Variants in ZNF750 observed in about 807,000 individuals in gnomAD.
ZNF750 encodes zinc finger protein 750.
A neutral mutation model predicts 31.6 loss-of-function variants in ZNF750; 10 were observed. The ratio of observed to expected loss-of-function variants is 0.32; its 90% CI spans 0.19 to 0.54. The LOEUF (loss-of-function observed/expected upper bound fraction) is 0.54, where lower values mean the gene tolerates loss of function less well. ZNF750 is among the 20% of genes least tolerant of loss of function. The probability of loss-of-function intolerance (pLI) is 0.95; values close to 1 mark genes in which losing one functional copy is unlikely to be tolerated. For synonymous variants in ZNF750, 400 were observed against 404.9 expected (o/e 0.99, Z 0.15); for missense variants, 914 against 934.9 (o/e 0.98, Z 0.29).
chr17:82,838,664 C>T, intron 1 of ZNF750: 1 of 985,426 alleles, frequency 1.0e-6, no homozygotes, highest in Non-Finnish European at 1.2e-6. Context: ...GATTGACTGC[C>T]ACTCCCTCCC....
Position 82,833,171 on chromosome 17 carries a change from TCA to T in ZNF750, c.-182-537_-182-536del, listed in dbSNP as rs1178222986. 6.6e-6 allele frequency among the ~76,000 whole-genome samples: 1 copy of T among 152,054 alleles called. No homozygotes were observed. Among genetic ancestry groups the T allele is most frequent in the East Asian group, 1.9e-4 (1 of 5,150 alleles). ...GTTTCCCCTTAACATGTACCCACAG[TCA>T]CAGAGTGCCCCTCACTTTTACACAG... On this transcript the variant is annotated intron_variant, in intron 1 of 2. Transcript: ENST00000269394. The surrounding 1 kb of genome is among the most constrained non-coding windows in gnomAD (Gnocchi z 4.7).
chr17:82,831,218 C>G lies in ZNF750; in HGVS notation c.1237G>C (p.Gly413Arg), dbSNP rs1350073531. 6.2e-7 allele frequency: 1 copy of G among 1,613,920 alleles called. No homozygotes were observed. Among genetic ancestry groups the G allele is most frequent in the Non-Finnish European group, 8.5e-7 (1 of 1,180,026 alleles). ...ATGAAGTCGGTGGGGCTCGGCCTCC[C>G]TGGGGAGCCCGTGGCTGCACTCCCT... ...RAGSAATGSP[G>R]RPSPTDFMQT... The change falls in exon 2 of 3, where the codon GGG (glycine) becomes CGG (arginine). Residue 413 changes from glycine to arginine, a missense_variant. Coordinates refer to ENST00000269394, the MANE Select transcript of ZNF750 (RefSeq NM_024702.3). This position sits in a 1 kb window ranked among gnomAD's most constrained non-coding sequence, Gnocchi z 4.6.
intron 1 of ZNF750, chr17:82,838,503 G>A: frequency 2.9e-6 from 1 of 350,242 alleles, no homozygotes; most frequent in Non-Finnish European, 4.0e-6. Context: ...CAAGGAGCCT[G>A]CTCGGCTGGA....
rs2053358389 is a variant in ZNF750, at chr17:82,830,253, T to C, written c.2061A>G (p.Gln687=). Residue 687 remains glutamine, a synonymous_variant, in exon 3 of 3, where the codon CAA becomes CAG. Transcript: ENST00000269394. ...EAQCDLRPKG[Q]KRTSLRDAGK... ...CAGCATCCCTTAGACTTGTCCTCTT[T>C]TGTCCTTTGGGTCTGAGGTCACACT... is the stretch of plus-strand genomic sequence containing the variant. The C allele has an allele frequency of 5.6e-6, 9 of 1,614,242 alleles. No homozygotes were observed. The East Asian group carries it at 2.0e-4, about 36-fold the overall frequency.
In ZNF750 at chr17:82,830,158, C is replaced by T. The variant is rs763714366; in HGVS notation, c.2156G>A (p.Arg719Lys). The part of the protein sequence containing the change: ...DTARVFTLRR[R>K]ARVS ...AACCCGGCGTTAGGACACCCGGGCC[C>T]TCCTTCGTAGTGTGAACACTCTGGC... The change falls in exon 3 of 3, where the codon AGG (arginine) becomes AAG (lysine). Residue 719 changes from arginine to lysine, a missense_variant. Arg to Lys is a conservative substitution (Grantham distance 26). Transcript: ENST00000269394. 1.9e-6 allele frequency: 3 copies of T among 1,614,038 alleles called. No individual in the cohort carries two copies. The highest frequency in any genetic ancestry group is 2.2e-5 in the South Asian group (2 of 91,084).
At chr17:82,838,029 T>A (rs1598831847) in intron 1 of ZNF750, among the ~76,000 whole-genome samples, 1 of 152,376 alleles carries the variant, frequency 6.6e-6, no homozygotes, top group East Asian at 1.9e-4. Context: ...AAATGTTGTG[T>A]GCTCAGCCGA....
chr17:82,830,001 T>G lies in ZNF750; in HGVS notation c.*141A>C. ...AAAACTGAATTGGAGGGTTTTTTGT[T>G]TGTTTGTTTGTTTGTTTTTTTGAGA... On this transcript the variant is annotated 3_prime_UTR_variant, in exon 3 of 3. Coordinates refer to ENST00000269394, the MANE Select transcript of ZNF750 (RefSeq NM_024702.3). 1.6e-6 allele frequency: 2 copies of G among 1,287,472 alleles called. No individual in the cohort carries two copies. The highest frequency in any genetic ancestry group is 2.1e-6 in the Non-Finnish European group (2 of 943,138). 79.8% of individuals were successfully genotyped at this position (1,287,472 alleles called of 1,614,324 possible).
intron 1 of ZNF750, among the ~76,000 whole-genome samples, chr17:82,837,930 C>T (rs1433431041): frequency 6.6e-6 from 1 of 152,244 alleles, no homozygotes; most frequent in East Asian, 1.9e-4. Context: ...GGTGCAGTGG[C>T]TTCAAACATG....
Position 82,829,960 on chromosome 17 carries a change from A to G in ZNF750, c.*182T>C, listed in dbSNP as rs2053326532. The stretch of plus-strand genomic sequence containing the variant: ...AAAGTAGAAGCACCTTTTAATATTC[A>G]TGCTTAATATTTATAAAAACTGAAT... On this transcript the variant is annotated 3_prime_UTR_variant, in exon 3 of 3. Coordinates refer to ENST00000269394, the MANE Select transcript of ZNF750 (RefSeq NM_024702.3). The G allele has an allele frequency of 1.0e-6, 1 of 986,848 alleles. No individual in the cohort carries two copies. Among genetic ancestry groups the G allele is most frequent in the Non-Finnish European group, 1.5e-6 (1 of 686,212 alleles). The allele number at this position is 986,848 out of a possible 1,614,324, so 61.1% of individuals were successfully genotyped here.
In ZNF750 at chr17:82,833,414, C is replaced by T. The variant is rs1032510492; in HGVS notation, c.-182-778G>A. ...TGTTTAAAAATGAAGAACATTCGAACACAAGACTCTACCCTACTGCTTCTA... is the reference window on the plus strand; with the variant it reads ...TGTTTAAAAATGAAGAACATTCGAATACAAGACTCTACCCTACTGCTTCTA... On this transcript the variant is annotated intron_variant, in intron 1 of 2. Coordinates refer to ENST00000269394, the MANE Select transcript of ZNF750 (RefSeq NM_024702.3). This position sits in a 1 kb window ranked among gnomAD's most constrained non-coding sequence, Gnocchi z 4.7. Among the ~76,000 whole-genome samples the T allele has an allele frequency of 2.0e-5, 3 of 152,184 alleles. No homozygotes were observed. Among genetic ancestry groups the T allele is most frequent in the African/African-American group, 7.2e-5 (3 of 41,436 alleles).
rs546215595 is a variant in ZNF750, at chr17:82,833,585, G to A, written c.-182-949C>T. Among the ~76,000 whole-genome samples, 54 of 152,280 alleles carry A rather than the reference G, an allele frequency of 3.5e-4. No individual in the cohort carries two copies. Among genetic ancestry groups the A allele is most frequent in the Admixed American group, 4.6e-4 (7 of 15,302 alleles). ...GCAGCATTGTGAGACATGCTTTCAC[G>A]GTCACCCGGTTCCTGCTGGCCAGGA... On this transcript the variant is annotated intron_variant, in intron 1 of 2. Transcript: ENST00000269394. This position sits in a 1 kb window ranked among gnomAD's most constrained non-coding sequence, Gnocchi z 4.7.
chr17:82,831,903 T>G lies in ZNF750; in HGVS notation c.552A>C (p.Leu184Phe), dbSNP rs2053550301. 2 of 1,613,976 alleles carry G rather than the reference T, an allele frequency of 1.2e-6. No homozygotes were observed. The highest frequency in any genetic ancestry group is 2.7e-5 in the African/African-American group (2 of 74,898). ...ACACGGCCTTGGCAGTGGGGTTGTG[T>G]AAAGCCAGTGTCTCGGGCGCCTCGG... is the stretch of plus-strand genomic sequence containing the variant. ...DNAEAPETLA[L>F]HNPTAKAVSF... The change falls in exon 2 of 3, where the codon TTA becomes TTC. Residue 184 changes from leucine (L) to phenylalanine (F), a missense_variant. Around this residue, in one of 2 missense-constraint regions of ZNF750, gnomAD observed 880 missense variants for 868.9 expected, o/e 1.01. Transcript: ENST00000269394. The surrounding 1 kb of genome is among the most constrained non-coding windows in gnomAD (Gnocchi z 4.6).
At position 82,832,108 on chromosome 17, in the gene ZNF750, T is replaced by A; in HGVS notation, c.347A>T (p.Glu116Val). The change falls in exon 2 of 3, where the codon GAG becomes GTG. Residue 116 changes from glutamate (E) to valine (V), a missense_variant. Coordinates refer to ENST00000269394, the MANE Select transcript of ZNF750 (RefSeq NM_024702.3). The surrounding 1 kb of genome is among the most constrained non-coding windows in gnomAD (Gnocchi z 4.9). ...CCTGTGGGTTCCCCGGGCTTGCAGC[T>A]CCAGGTTTTCCTTGATGTCTTCCCT... ...SAREDIKENL[E>V]LQARGTHRCL... The A allele has an allele frequency of 6.2e-7, 1 of 1,614,210 alleles. No homozygotes were observed. Among genetic ancestry groups the A allele is most frequent in the Non-Finnish European group, 8.5e-7 (1 of 1,180,028 alleles).
intron 1 of ZNF750, among the ~76,000 whole-genome samples, chr17:82,834,816 A>G (rs184216081): frequency 3.3e-5 from 5 of 152,282 alleles, no homozygotes; most frequent in East Asian, 3.9e-4. Context: ...GTAAACCACC[A>G]TGGCACACAT....
At chr17:82,838,326 AAG>A (rs1007777390) in intron 1 of ZNF750, among the ~76,000 whole-genome samples, 16 of 128,796 alleles carry the variant, frequency 1.2e-4, no homozygotes, top group African/African-American at 4.7e-4. Context: ...AGACAAGAGA[AAG>A]AGTTCTTAAA....
In ZNF750 at chr17:82,831,319, C is replaced by G. The variant is rs750978958; in HGVS notation, c.1136G>C (p.Ser379Thr). Residue 379 changes from serine (S) to threonine (T), a missense_variant, in exon 2 of 3, where the codon AGT becomes ACT. By Grantham distance (58) the Ser-to-Thr change is moderately conservative. Transcript: ENST00000269394. The surrounding 1 kb of genome is among the most constrained non-coding windows in gnomAD (Gnocchi z 4.6). ...DPNRKHVEFE[S>T]PIPEAKDSSK... ...GGAGTCTTTAGCCTCAGGAATTGGA[C>G]TTTCGAACTCGACGTGTTTTCTGTT... 8 of 1,613,920 alleles carry G rather than the reference C, an allele frequency of 5.0e-6. No homozygotes were observed. The South Asian group carries it at 6.6e-5, about 13-fold the overall frequency.
At chr17:82,838,040 T>C (rs1598831998) in intron 1 of ZNF750, among the ~76,000 whole-genome samples, 1 of 152,244 alleles carries the variant, frequency 6.6e-6, no homozygotes, top group East Asian at 1.9e-4. Context: ...GCTCAGCCGA[T>C]GCACTTGGCT....
Position 82,831,613 on chromosome 17 carries a change from G to A in ZNF750, c.842C>T (p.Pro281Leu), listed in dbSNP as rs2053518936. ...PLLSVYGTQD[P>L]RHFLPHPGPI... is the part of the protein sequence containing the mutation. ...CCCCGGGTGAGGCAGGAAGTGTCTC[G>A]GGTCTTGGGTTCCGTAGACTGACAG... Residue 281 changes from proline to leucine, a missense_variant, in exon 2 of 3, where the codon CCG becomes CTG. Around this residue, in one of 2 missense-constraint regions of ZNF750, gnomAD observed 880 missense variants for 868.9 expected, o/e 1.01. Transcript: ENST00000269394. The surrounding 1 kb of genome is among the most constrained non-coding windows in gnomAD (Gnocchi z 4.6). 3 of 1,614,166 alleles carry A rather than the reference G, an allele frequency of 1.9e-6. No individual in the cohort carries two copies. Among genetic ancestry groups the A allele is most frequent in the Non-Finnish European group, 1.7e-6 (2 of 1,180,016 alleles).
At position 82,831,138 on chromosome 17, in the gene ZNF750, G is replaced by A. The variant is rs759737964; in HGVS notation, c.1317C>T (p.Ser439=). ...GCGGGTAGAGTCTTCCCAGTGCGCT[G>A]GAGGCTGCCTTGTTGGAGAGGTCGT... ...GLYDLSNKAA[S]SALGRLYPPE... is the part of the protein sequence containing the mutation. Residue 439 remains serine, a synonymous_variant, in exon 2 of 3, where the codon TCC becomes TCT. Coordinates refer to ENST00000269394, the MANE Select transcript of ZNF750 (RefSeq NM_024702.3). The surrounding 1 kb of genome is among the most constrained non-coding windows in gnomAD (Gnocchi z 4.6). 1.2e-6 allele frequency: 2 copies of A among 1,614,200 alleles called. No homozygotes were observed. The highest frequency in any genetic ancestry group is 1.7e-6 in the Non-Finnish European group (2 of 1,180,044).
Sources: allele counts gnomAD v4.1 joint callset (sites outside exome capture counted in the v4.1 genomes callset), GRCh38; gene constraint gnomAD v4.1.1; regional missense constraint gnomAD v4.1.1; non-coding constraint Gnocchi (gnomAD v3.1); transcripts MANE v1.5; gene names NCBI Gene and HGNC (gene_info 2026-07-23, HGNC 2026-07-21).